MAX: variants seen among roughly 807,000 people sequenced by gnomAD.
MAX encodes the protein protein max.
A neutral mutation model predicts 22.3 loss-of-function variants in MAX; 3 were observed. The observed-to-expected ratio is 0.13, with a 90% confidence interval of 0.06 to 0.35. MAX has a LOEUF of 0.35. Among genes scored for constraint, MAX ranks in the 10% least tolerant of loss-of-function variants. The pLI is 1.00. For synonymous variants in MAX, 72 were observed against 77.7 expected (o/e 0.93, Z 0.39); for missense variants, 119 against 209.4 (o/e 0.57, Z 2.66).
Position 65,012,166 on chromosome 14 carries a change from G to A in MAX, c.172-5882C>T, listed in dbSNP as rs2061693399. ...CTTTTCTCTGGTTTAGTTGCTCTTT[G>A]GAACCAGAGAAGTTGCTGGTTATCC... On this transcript the variant is annotated intron_variant, in intron 3 of 3. Transcript: ENST00000341653. This position sits in a 1 kb window ranked among gnomAD's most constrained non-coding sequence, Gnocchi z 5.0. The A allele has an allele frequency of 7.1e-6, 6 of 841,272 alleles. No homozygotes were observed. Among genetic ancestry groups the A allele is most frequent in the South Asian group, 6.7e-5 (4 of 59,712 alleles). 52.1% of individuals were successfully genotyped at this position (841,272 alleles called of 1,614,324 possible). A position where few individuals can be genotyped will look rare whatever the true frequency, so the allele number is the denominator to read the frequency against.
intron 3 of MAX, among the ~76,000 whole-genome samples, chr14:65,006,673 A>G (rs1595003303): frequency 6.6e-6 from 1 of 152,156 alleles, no homozygotes; most frequent in Admixed American, 6.5e-5. Context: ...CTGGGGACAC[A>G]CAGCCTCTGT....
At chr14:65,017,286 C>T (rs141589845) in intron 3 of MAX, among the ~76,000 whole-genome samples, 3 of 152,218 alleles carry the variant, frequency 2.0e-5, no homozygotes, top group East Asian at 3.9e-4. Context: ...TCCCTTCACT[C>T]CTACACAATC....
In MAX at chr14:65,102,083, G is replaced by A. The variant is rs544847194; in HGVS notation, c.36+221C>T. 3.0e-4 allele frequency among the ~76,000 whole-genome samples: 45 copies of A among 152,296 alleles called. 1 individual carries two copies. The East Asian group carries it at 8.2e-3, about 28-fold the overall frequency. On this transcript the variant is annotated intron_variant, in intron 1 of 4. Transcript: ENST00000358664. ...CGCAAGGGAGGAGGTGGGGGTCCCAGAAGCCGCGTGTCTTCCCCCAACCTC... is the reference window on the plus strand; with the variant it reads ...CGCAAGGGAGGAGGTGGGGGTCCCAAAAGCCGCGTGTCTTCCCCCAACCTC...
intron 3 of MAX, among the ~76,000 whole-genome samples, chr14:65,025,771 A>G (rs1331125471): frequency 6.6e-6 from 1 of 152,200 alleles, no homozygotes; most frequent in East Asian, 1.9e-4. Flanking sequence ...AGCCGTGATT[A>G]TGCCGCTGTC....
At chr14:65,042,377 C>T (rs1359733877) in intron 3 of MAX, among the ~76,000 whole-genome samples, 3 of 152,148 alleles carry the variant, frequency 2.0e-5, no homozygotes, top group African/African-American at 2.4e-5. Context: ...TGATGGGAGA[C>T]AGTGACAGAT....
intron 3 of MAX, among the ~76,000 whole-genome samples, chr14:65,060,879 A>ATC (rs2062850396): frequency 7.6e-6 from 1 of 131,620 alleles, no homozygotes; most frequent in African/African-American, 3.4e-5. Context: ...TCAAAAAAAA[A>ATC]AAAAAAAAAA....
chr14:65,075,542 A>G lies in MAX; in HGVS notation c.*934T>C. 9.4e-7 allele frequency: 1 copy of G among 1,065,910 alleles called. No homozygotes were observed. The highest frequency in any genetic ancestry group is 4.5e-5 in the South Asian group (1 of 21,988). The allele number at this position is 1,065,910 out of a possible 1,614,324, so 66.0% of individuals were successfully genotyped here. ...TTCTTAGAAATACACACGGGAAGAA[A>G]GAAAGATTTCATCATTACTTTATGA... is the stretch of plus-strand genomic sequence containing the variant. On this transcript the variant is annotated 3_prime_UTR_variant, in exon 5 of 5. Transcript: ENST00000358664. The surrounding 1 kb of genome is among the most constrained non-coding windows in gnomAD (Gnocchi z 4.1).
At chr14:65,080,528 T>G (rs2063174053) in intron 3 of MAX, among the ~76,000 whole-genome samples, 1 of 152,168 alleles carries the variant, frequency 6.6e-6, no homozygotes. Context: ...ATTTGGGAAT[T>G]AGAGGACAGA....
chr14:65,037,402 CCTTTTTTTTT>C lies in MAX; in HGVS notation c.172-31128_172-31119del, dbSNP rs2062220511. 1.2e-3 allele frequency among the ~76,000 whole-genome samples: 17 copies of C among 14,536 alleles called. 6 individuals are homozygous for C. The highest frequency in any genetic ancestry group is 3.2e-3 in the African/African-American group (11 of 3,446). 9.5% of individuals were successfully genotyped at this position (14,536 alleles called of 152,430 possible). A position where few individuals can be genotyped will look rare whatever the true frequency, so the allele number is the denominator to read the frequency against. On this transcript the variant is annotated intron_variant, in intron 3 of 3. Coordinates refer to the MAX transcript ENST00000341653. ...ATAGGCGTGAGCCACCACGCCGGGC[CCTTTTTTTTT>C]TTTTTTTTTTTTTTTTTTTTTTTTT...
chr14:65,038,927 T>C (rs55918235), intron 3 of MAX, among the ~76,000 whole-genome samples: 15,047 of 152,242 alleles, frequency 0.099, 990 homozygotes, highest in Admixed American at 0.17. Context: ...TCTGGGGATA[T>C]TTTGTCCTCT....
downstream of MAX, among the ~76,000 whole-genome samples, chr14:65,072,071 G>A (rs1023404857): frequency 1.3e-5 from 2 of 151,968 alleles, no homozygotes; most frequent in Admixed American, 6.5e-5. Flanking sequence ...TTTCCTACCT[G>A]GGTTTCCTCT....
rs1339529008 is a variant in MAX, at chr14:65,102,410, C to T, written c.-71G>A. 7 of 1,577,234 alleles carry T rather than the reference C, an allele frequency of 4.4e-6. No homozygotes were observed. Among genetic ancestry groups the T allele is most frequent in the Non-Finnish European group, 6.0e-6 (7 of 1,163,398 alleles). ...GAAGGGGTGAAGGGGAGGGGGAAGTCACCGACAACAACAAGCCGAGTCCCC... is the reference window on the plus strand; with the variant it reads ...GAAGGGGTGAAGGGGAGGGGGAAGTTACCGACAACAACAAGCCGAGTCCCC... On this transcript the variant is annotated 5_prime_UTR_variant, in exon 1 of 5. Coordinates refer to ENST00000358664, the MANE Select transcript of MAX (RefSeq NM_002382.5).
intron 3 of MAX, among the ~76,000 whole-genome samples, chr14:65,055,014 C>T (rs896130769): frequency 1.3e-5 from 2 of 152,236 alleles, no homozygotes; most frequent in Non-Finnish European, 2.9e-5. Flanking sequence ...GGCTGTGAGT[C>T]CCAGCAGGCT....
chr14:65,015,094 TTTTTC>T (rs1161525592), intron 3 of MAX, among the ~76,000 whole-genome samples: 1 of 149,504 alleles, frequency 6.7e-6, no homozygotes, highest in African/African-American at 2.5e-5. Context: ...TGTTGTCTTT[TTTTTC>T]TTTTCTTTCT....
At chr14:65,041,796 C>G (rs2062360116) in intron 3 of MAX, among the ~76,000 whole-genome samples, 2 of 152,138 alleles carry the variant, frequency 1.3e-5, no homozygotes, top group African/African-American at 4.8e-5. Flanking sequence ...ACTTTGTATG[C>G]TGAACTTAAG....
chr14:65,059,639 C>T (rs2062816311), intron 3 of MAX, among the ~76,000 whole-genome samples: 2 of 152,002 alleles, frequency 1.3e-5, no homozygotes, highest in Admixed American at 1.3e-4. Flanking sequence ...AGTTGTGTCC[C>T]CTTCTTCATT....
In MAX at chr14:65,030,579, A is replaced by G. The variant is rs538431313; in HGVS notation, c.172-24295T>C. Among the ~76,000 whole-genome samples the G allele has an allele frequency of 6.6e-5, 10 of 152,128 alleles. No individual in the cohort carries two copies. In the South Asian group the frequency reaches 2.1e-3, roughly 32 times the overall value. ...CACAGCAAGACCCTGTCTCTACAAAAAATTTTTAAAAAATTAGCCAGGTGT... is the reference window on the plus strand; with the variant it reads ...CACAGCAAGACCCTGTCTCTACAAAGAATTTTTAAAAAATTAGCCAGGTGT... On this transcript the variant is annotated intron_variant, in intron 3 of 3. Transcript: ENST00000341653. This position sits in a 1 kb window ranked among gnomAD's most constrained non-coding sequence, Gnocchi z 4.5.
intron 3 of MAX, among the ~76,000 whole-genome samples, chr14:65,020,862 G>A (rs989158750): frequency 3.3e-5 from 5 of 151,150 alleles, no homozygotes; most frequent in African/African-American, 1.2e-4. Flanking sequence ...TTCCCAAGTA[G>A]CTAGGATTAC....
At chr14:65,046,351 G>C (rs987187597) in intron 3 of MAX, among the ~76,000 whole-genome samples, 4 of 152,190 alleles carry the variant, frequency 2.6e-5, no homozygotes, top group Non-Finnish European at 5.9e-5. Context: ...CAAGCCCCTG[G>C]TAAAATGGTC....
Sources: gnomAD v4.1 joint callset for allele counts (sites outside exome capture counted in the v4.1 genomes callset) on GRCh38, gnomAD v4.1.1 for gene constraint, Gnocchi (gnomAD v3.1) non-coding constraint, MANE v1.5 for transcripts, NCBI Gene and HGNC (gene_info 2026-07-23, HGNC 2026-07-21) for gene names.